Variants in ARHGAP42 observed in about 807,000 individuals in gnomAD.
ARHGAP42 encodes the protein rho GTPase-activating protein 42.
In ARHGAP42, 63 loss-of-function variants were observed where a neutral mutation model predicts 125.0. That is an observed-to-expected ratio of 0.50 (90% CI 0.41 to 0.62). The LOEUF (loss-of-function observed/expected upper bound fraction) is 0.62, where lower values mean the gene tolerates loss of function less well. ARHGAP42 is among the 20% of genes least tolerant of loss of function. ARHGAP42 has a pLI of 0.00. For synonymous variants in ARHGAP42, 339 were observed against 351.0 expected, an observed-to-expected ratio of 0.97 and a Z score of 0.38; for missense variants, 766 against 1,024.2, an observed-to-expected ratio of 0.75 and a Z score of 3.44.
intron 22 of ARHGAP42, among the ~76,000 whole-genome samples, chr11:100,985,672 G>A (rs1858659870): frequency 6.6e-6 from 1 of 152,204 alleles, no homozygotes; most frequent in South Asian, 2.1e-4. Context: ...ACGTTGTGCT[G>A]TGTGGGCTGA....
chr11:100,741,411 C>A (rs988558618), intron 1 of ARHGAP42, among the ~76,000 whole-genome samples: 5 of 152,264 alleles, frequency 3.3e-5, no homozygotes, highest in Non-Finnish European at 7.4e-5. Flanking sequence ...AAAGGCATGA[C>A]GGTAAAGTGT....
chr11:100,910,851 A>G (rs1866892581), intron 4 of ARHGAP42, among the ~76,000 whole-genome samples: 1 of 151,930 alleles, frequency 6.6e-6, no homozygotes, highest in South Asian at 2.1e-4. Context: ...AACCCTTGAG[A>G]TCTTTTTTTC....
intron 3 of ARHGAP42, among the ~76,000 whole-genome samples, chr11:100,848,903 C>T (rs944703158): frequency 3.3e-5 from 5 of 152,144 alleles, no homozygotes; most frequent in African/African-American, 1.2e-4. Context: ...TTCTGCTTTA[C>T]CTTATTATCT....
At chr11:100,965,159 G>A (rs183952413) in intron 16 of ARHGAP42, among the ~76,000 whole-genome samples, 125 of 152,064 alleles carry the variant, frequency 8.2e-4, no homozygotes, top group Middle Eastern at 3.4e-3. Context: ...TAGGGTAACC[G>A]CCCAATGATT....
intron 4 of ARHGAP42, among the ~76,000 whole-genome samples, chr11:100,894,252 G>A (rs1866288456): frequency 6.6e-6 from 1 of 152,214 alleles, no homozygotes; most frequent in African/African-American, 2.4e-5. Context: ...ACTTGGCATA[G>A]TTGTAAACAT....
chr11:100,888,160 G>A, intron 4 of ARHGAP42, among the ~76,000 whole-genome samples: 1 of 152,058 alleles, frequency 6.6e-6, no homozygotes, highest in Non-Finnish European at 1.5e-5. Context: ...AGGTACAGTT[G>A]ATTGTGGAGC....
chr11:100,949,983 A>G, intron 12 of ARHGAP42, 27 bp downstream of exon 12: 1 of 1,354,130 alleles, frequency 7.4e-7, no homozygotes, highest in Admixed American at 2.1e-5. Flanking sequence ...GTTATTTAAA[A>G]TTTTATCATG....
At chr11:100,867,878 T>C (rs1347890144) in intron 4 of ARHGAP42, among the ~76,000 whole-genome samples, 1 of 152,190 alleles carries the variant, frequency 6.6e-6, no homozygotes, top group Non-Finnish European at 1.5e-5. Context: ...GTACGGTTAC[T>C]AATTGGCCTA....
rs935799937 is a variant in ARHGAP42 at position 100,972,939 on chromosome 11, G to T, written c.1551-236G>T. ...TTGTACTTGATTTAGGAAATTAGGG[G>T]TTTTTTTCTTTAATAGATTTTGTTT... is the stretch of plus-strand genomic sequence containing the variant. On this transcript the variant is annotated intron_variant, in intron 17 of 23. Coordinates refer to ENST00000298815, the MANE Select transcript of ARHGAP42 (RefSeq NM_152432.4). Among the ~76,000 whole-genome samples, 41 of 151,978 alleles carry T rather than the reference G, an allele frequency of 2.7e-4. 1 individual carries two copies. Among genetic ancestry groups the T allele is most frequent in the Non-Finnish European group, 1.5e-4 (10 of 68,002 alleles).
chr11:100,850,873 CTTTTTTT>C (rs201814102), intron 3 of ARHGAP42, among the ~76,000 whole-genome samples: 4 of 94,510 alleles, frequency 4.2e-5, no homozygotes, highest in East Asian at 2.6e-4. Flanking sequence ...TAGTAGCTTT[CTTTTTTT>C]TTTTTTTTTT....
At chr11:100,732,417 A>G (rs772182380) in intron 1 of ARHGAP42, among the ~76,000 whole-genome samples, 21 of 152,306 alleles carry the variant, frequency 1.4e-4, no homozygotes, top group African/African-American at 4.3e-4. Flanking sequence ...GAAACAGTCT[A>G]TATGTCTCTA....
At chr11:100,806,736 A>C (rs937639345) in intron 3 of ARHGAP42, among the ~76,000 whole-genome samples, 6 of 152,224 alleles carry the variant, frequency 3.9e-5, no homozygotes, top group Admixed American at 3.9e-4. Flanking sequence ...GAGGTGGTAG[A>C]TCATATACAG....
intron 3 of ARHGAP42, among the ~76,000 whole-genome samples, chr11:100,822,702 T>C (rs532935007): frequency 4.1e-4 from 63 of 152,212 alleles, no homozygotes; most frequent in African/African-American, 1.5e-3. Context: ...CTGTGTGGAC[T>C]GTGTGGTCCT....
chr11:100,731,145 G>A (rs925181621), intron 1 of ARHGAP42, among the ~76,000 whole-genome samples: 2 of 151,772 alleles, frequency 1.3e-5, no homozygotes, highest in East Asian at 3.9e-4. Context: ...GTATAACTTA[G>A]ATTTATATCA....
At chr11:100,825,192 ATAAT>A (rs1864486394) in intron 3 of ARHGAP42, among the ~76,000 whole-genome samples, 1 of 152,202 alleles carries the variant, frequency 6.6e-6, no homozygotes, top group African/African-American at 2.4e-5. Flanking sequence ...TTCTTGTTTA[ATAAT>A]TAAGTAATGT....
At chr11:100,955,433 G>A (rs1857778689) in intron 12 of ARHGAP42, among the ~76,000 whole-genome samples, 1 of 152,092 alleles carries the variant, frequency 6.6e-6, no homozygotes, top group Non-Finnish European at 1.5e-5. Flanking sequence ...GAGATACAGG[G>A]CTGGGGTAGG....
intron 4 of ARHGAP42, among the ~76,000 whole-genome samples, chr11:100,889,246 C>T (rs999526869): frequency 1.3e-5 from 2 of 152,196 alleles, no homozygotes; most frequent in African/African-American, 2.4e-5. Context: ...CCCAAATTCT[C>T]AATCTCCAAT....
chr11:100,847,971 T>C (rs1262644357), intron 3 of ARHGAP42, among the ~76,000 whole-genome samples: 1 of 152,144 alleles, frequency 6.6e-6, no homozygotes, highest in Non-Finnish European at 1.5e-5. Context: ...TTTTCTTATC[T>C]TGAAATGTAA....
intron 12 of ARHGAP42, among the ~76,000 whole-genome samples, chr11:100,959,452 GA>G (rs1453947804): frequency 1.3e-5 from 2 of 152,012 alleles, no homozygotes; most frequent in Admixed American, 6.6e-5. Flanking sequence ...GCAACCCAGG[GA>G]ATCATCTTAA....
Sources: allele counts gnomAD v4.1 joint callset (sites outside exome capture counted in the v4.1 genomes callset), GRCh38; gene constraint gnomAD v4.1.1; transcripts MANE v1.5; gene names NCBI Gene and HGNC (gene_info 2026-07-23, HGNC 2026-07-21).